The following MGMT variants were observed in gnomAD, a reference collection of about 807,000 sequenced individuals.
MGMT encodes O-6-methylguanine-DNA methyltransferase, also known as methylated-DNA--protein-cysteine methyltransferase.
In MGMT, 14 loss-of-function variants were observed where a neutral mutation model predicts 15.9. That is an observed-to-expected ratio of 0.88 (90% confidence interval 0.58 to 1.37). MGMT has a LOEUF of 1.37. Ranked by LOEUF, MGMT falls within the 40% of genes most tolerant of loss-of-function variation. MGMT has a pLI of 0.00. For synonymous variants in MGMT, 130 were observed against 118.2 expected, an observed-to-expected ratio of 1.10 and a Z score of -0.65; for missense variants, 282 against 268.1, an observed-to-expected ratio of 1.05 and a Z score of -0.36.
At chr10:129,473,082 A>C (rs1025445525) in intron 1 of MGMT, among the ~76,000 whole-genome samples, 2 of 152,186 alleles carry the variant, frequency 1.3e-5, no homozygotes, top group African/African-American at 4.8e-5. Context: ...GGGAGCCTTG[A>C]CATTATTCAT....
chr10:129,613,741 C>T (rs904392946), intron 2 of MGMT, among the ~76,000 whole-genome samples: 1 of 152,208 alleles, frequency 6.6e-6, no homozygotes, highest in African/African-American at 2.4e-5. Context: ...CTGATGGGTC[C>T]TGTCCCTCTG....
intron 2 of MGMT, among the ~76,000 whole-genome samples, chr10:129,571,605 T>A (rs2133039467): frequency 6.6e-6 from 1 of 152,296 alleles, no homozygotes; most frequent in South Asian, 2.1e-4. Context: ...CAGAGAAATT[T>A]TGCAAGCATA....
intron 2 of MGMT, among the ~76,000 whole-genome samples, chr10:129,682,305 T>C (rs74593593): frequency 0.029 from 4,400 of 152,164 alleles, 83 homozygotes; most frequent in Non-Finnish European, 0.045. Flanking sequence ...GGAATACTTA[T>C]GAAAACAGAA....
intron 2 of MGMT, among the ~76,000 whole-genome samples, chr10:129,643,014 C>T (rs757941184): frequency 6.6e-6 from 1 of 152,096 alleles, no homozygotes; most frequent in Non-Finnish European, 1.5e-5. Flanking sequence ...GAAGGCTGGG[C>T]GAGCGAATGT....
intron 1 of MGMT, among the ~76,000 whole-genome samples, chr10:129,492,215 G>T (rs757938458): frequency 1.3e-5 from 2 of 152,108 alleles, no homozygotes; most frequent in Non-Finnish European, 2.9e-5. Context: ...CCTTCCCTTT[G>T]AGCATGGTCT....
At chr10:129,757,113 A>C (rs1354915135) in intron 3 of MGMT, among the ~76,000 whole-genome samples, 3 of 152,204 alleles carry the variant, frequency 2.0e-5, no homozygotes, top group Non-Finnish European at 4.4e-5. Flanking sequence ...TAAATACTAC[A>C]TTGTTTGAGC....
chr10:129,598,145 C>G (rs1846773514), intron 2 of MGMT, among the ~76,000 whole-genome samples: 1 of 152,136 alleles, frequency 6.6e-6, no homozygotes. Flanking sequence ...AGATGAGGAC[C>G]CTGTTCTCAT....
intron 2 of MGMT, among the ~76,000 whole-genome samples, chr10:129,621,848 A>C (rs1230064846): frequency 2.0e-5 from 3 of 152,222 alleles, no homozygotes; most frequent in Admixed American, 6.5e-5. Flanking sequence ...ATCACTGTGA[A>C]TTTGGTGAGT....
chr10:129,737,481 T>C (rs1167894125), intron 3 of MGMT, among the ~76,000 whole-genome samples: 2 of 152,184 alleles, frequency 1.3e-5, no homozygotes, highest in Non-Finnish European at 2.9e-5. Flanking sequence ...GTTTTCAACT[T>C]CTTTGCCTTT....
intron 4 of MGMT, among the ~76,000 whole-genome samples, chr10:129,760,764 AAAATATCCC>A (rs1432054458): frequency 6.7e-6 from 1 of 149,812 alleles, no homozygotes; most frequent in Non-Finnish European, 1.5e-5. Context: ...CTACCCTATT[AAAATATCCC>A]AAATATCCCA....
intron 2 of MGMT, among the ~76,000 whole-genome samples, chr10:129,698,955 A>G (rs756134402): frequency 2.0e-5 from 3 of 152,254 alleles, no homozygotes; most frequent in Admixed American, 6.5e-5. Flanking sequence ...GCTTCTTGAT[A>G]GAAAAATAAA....
chr10:129,605,741 C>T (rs924888368), intron 2 of MGMT, among the ~76,000 whole-genome samples: 2 of 152,182 alleles, frequency 1.3e-5, no homozygotes, highest in African/African-American at 4.8e-5. Flanking sequence ...TTCTCAAACA[C>T]GTGTTGTGGA....
intron 2 of MGMT, among the ~76,000 whole-genome samples, chr10:129,693,028 A>T (rs1320053396): frequency 6.6e-6 from 1 of 152,242 alleles, no homozygotes; most frequent in African/African-American, 2.4e-5. Flanking sequence ...AAAATCCACC[A>T]ATGTACTTTT....
chr10:129,755,892 G>T (rs1848800521), intron 3 of MGMT, among the ~76,000 whole-genome samples: 1 of 152,212 alleles, frequency 6.6e-6, no homozygotes, highest in South Asian at 2.1e-4. Flanking sequence ...GTCCCGGTCT[G>T]TGTCCTCCTG....
intron 2 of MGMT, among the ~76,000 whole-genome samples, chr10:129,577,169 G>A (rs1203212032): frequency 6.6e-6 from 1 of 152,114 alleles, no homozygotes; most frequent in Admixed American, 6.5e-5. Context: ...TTTCTTCACA[G>A]AATTGGAAAA....
At chr10:129,539,239 GT>G (rs926466443) in intron 2 of MGMT, among the ~76,000 whole-genome samples, 61 of 151,838 alleles carry the variant, frequency 4.0e-4, no homozygotes, top group African/African-American at 1.2e-3. Context: ...AAGCTTTGTA[GT>G]TTTTTTTATG....
At position 129,620,077 on chromosome 10, in the gene MGMT, G is replaced by A. The variant is rs188974886; in HGVS notation, c.125+83700G>A. Among the ~76,000 whole-genome samples, 288 of 152,322 alleles carry A rather than the reference G, an allele frequency of 1.9e-3. 2 individuals are homozygous for A. Among genetic ancestry groups the A allele is most frequent in the African/African-American group, 6.7e-3 (277 of 41,566 alleles). On this transcript the variant is annotated intron_variant, in intron 2 of 4. Coordinates refer to ENST00000651593, the MANE Select transcript of MGMT (RefSeq NM_002412.5). ...AGGCTGTGTGTCTTTGGAGGACAGA[G>A]ACATTGGAGGCCGTTCATGATCCTT...
chr10:129,482,437 C>G (rs946249162), intron 1 of MGMT, among the ~76,000 whole-genome samples: 3 of 152,098 alleles, frequency 2.0e-5, no homozygotes, highest in Admixed American at 1.3e-4. Context: ...GTTGATAATG[C>G]TCTTCAAGCC....
At chr10:129,652,999 C>T (rs955469532) in intron 2 of MGMT, among the ~76,000 whole-genome samples, 3 of 152,208 alleles carry the variant, frequency 2.0e-5, no homozygotes, top group South Asian at 2.1e-4. Context: ...CCCCAGGACA[C>T]GATCCAGTGG....
Sources: allele counts gnomAD v4.1 joint callset (sites outside exome capture counted in the v4.1 genomes callset), GRCh38; gene constraint gnomAD v4.1.1; transcripts MANE v1.5; gene names NCBI Gene and HGNC (gene_info 2026-07-23, HGNC 2026-07-21).